Variants in BLTP3A observed in about 807,000 individuals in gnomAD.
BLTP3A encodes ICBP90 binding protein 1.
chr6:34,800,998 GGATTACAGGCGTGA>G, the BLTP3A span, among the ~76,000 whole-genome samples: 2 of 152,028 alleles, frequency 1.3e-5, no homozygotes, highest in African/African-American at 2.4e-5. Flanking sequence ...CAAAGTGTTG[GGATTACAGGCGTGA>G]GATTACAGCC....
At chr6:34,840,048 G>A in the BLTP3A span, among the ~76,000 whole-genome samples, 40 of 152,310 alleles carry the variant, frequency 2.6e-4, no homozygotes, top group African/African-American at 9.4e-4. Flanking sequence ...CTATGTTATG[G>A]CTACATGGCT....
chr6:34,871,760 G>A, the BLTP3A span: 1 of 1,611,348 alleles, frequency 6.2e-7, no homozygotes. Context: ...GTGACACCTA[G>A]GAACTGTTTG....
the BLTP3A span, among the ~76,000 whole-genome samples, chr6:34,805,759 A>AAAAAAT: frequency 6.8e-6 from 1 of 146,070 alleles, no homozygotes; most frequent in Non-Finnish European, 1.5e-5. Context: ...AAAAAAAAAA[A>AAAAAAT]AGTATAAAGT....
the BLTP3A span, among the ~76,000 whole-genome samples, chr6:34,869,878 A>T: frequency 5.3e-5 from 8 of 152,044 alleles, no homozygotes; most frequent in African/African-American, 1.7e-4. Flanking sequence ...TGAACTCCTG[A>T]ACTCAAGTGA....
chr6:34,858,437 G>T, the BLTP3A span: 1 of 1,614,054 alleles, frequency 6.2e-7, no homozygotes, highest in Non-Finnish European at 8.5e-7. Flanking sequence ...TGGGATCTCT[G>T]GTCTGTCCAC....
chr6:34,854,784 C>T, the BLTP3A span, among the ~76,000 whole-genome samples: 2 of 152,130 alleles, frequency 1.3e-5, no homozygotes, highest in Non-Finnish European at 2.9e-5. Context: ...TTTCCCTTCA[C>T]TCATTTCTGT....
At chr6:34,829,836 G>A in the BLTP3A span, among the ~76,000 whole-genome samples, 4 of 151,908 alleles carry the variant, frequency 2.6e-5, no homozygotes, top group East Asian at 1.9e-4. Context: ...CAAGAGTCTC[G>A]CTATGTCACC....
the BLTP3A span, among the ~76,000 whole-genome samples, chr6:34,811,687 C>G: frequency 9.0e-5 from 5 of 55,780 alleles, no homozygotes; most frequent in Admixed American, 1.8e-4. Context: ...CCCCCCCCCG[C>G]ATCTCTACTA....
At chr6:34,806,593 T>C in the BLTP3A span, among the ~76,000 whole-genome samples, 1 of 152,222 alleles carries the variant, frequency 6.6e-6, no homozygotes, top group Non-Finnish European at 1.5e-5. Flanking sequence ...AGTTTCTTCC[T>C]TGGGCAGTTT....
the BLTP3A span, among the ~76,000 whole-genome samples, chr6:34,810,720 C>T: frequency 6.6e-6 from 1 of 152,140 alleles, no homozygotes; most frequent in Non-Finnish European, 1.5e-5. Flanking sequence ...CCTCCTGCCT[C>T]GACCTCTCAA....
At chr6:34,809,568 T>C in the BLTP3A span, among the ~76,000 whole-genome samples, 1 of 152,082 alleles carries the variant, frequency 6.6e-6, no homozygotes, top group Non-Finnish European at 1.5e-5. Context: ...TTTGTTCGTT[T>C]GTTTGTTTGT....
chr6:34,809,553 G>GT, the BLTP3A span, among the ~76,000 whole-genome samples: 2 of 151,910 alleles, frequency 1.3e-5, no homozygotes, highest in South Asian at 2.1e-4. Context: ...AACGTTTTTT[G>GT]TTTTTTTGTT....
At chr6:34,802,658 G>GC in the BLTP3A span, among the ~76,000 whole-genome samples, 3 of 152,242 alleles carry the variant, frequency 2.0e-5, no homozygotes, top group African/African-American at 7.2e-5. Flanking sequence ...ACCCTGCCCA[G>GC]CCTGTCTGCA....
chr6:34,837,794 A>G, the BLTP3A span, among the ~76,000 whole-genome samples: 1 of 150,350 alleles, frequency 6.7e-6, no homozygotes, highest in East Asian at 1.9e-4. Context: ...ATAATTTGCC[A>G]CTCACTCATT....
At chr6:34,826,335 A>G in the BLTP3A span, among the ~76,000 whole-genome samples, 2 of 145,250 alleles carry the variant, frequency 1.4e-5, no homozygotes, top group Non-Finnish European at 3.0e-5. Context: ...ATGCTTTTAC[A>G]TGTTACATGT....
chr6:34,823,066 A>G, the BLTP3A span, among the ~76,000 whole-genome samples: 5 of 152,300 alleles, frequency 3.3e-5, no homozygotes, highest in South Asian at 8.3e-4. Context: ...GGAAGGGGGA[A>G]AATGAGGACT....
At chr6:34,855,855 G>A in the BLTP3A span, 10 of 1,457,322 alleles carry the variant, frequency 6.9e-6, no homozygotes, top group South Asian at 1.4e-5. Context: ...TCAAGAGGAC[G>A]TCTGGAAACT....
the BLTP3A span, chr6:34,834,330 AG>A: frequency 6.2e-7 from 1 of 1,613,996 alleles, no homozygotes; most frequent in Non-Finnish European, 8.5e-7. Flanking sequence ...TGGCAGCTCC[AG>A]GGCTATAGTG....
At chr6:34,801,611 G>A in the BLTP3A span, among the ~76,000 whole-genome samples, 1 of 152,152 alleles carries the variant, frequency 6.6e-6, no homozygotes, top group Admixed American at 6.5e-5. Flanking sequence ...TTTGAATGTC[G>A]TTAGATGTTT....
Sources: allele counts gnomAD v4.1 joint callset (sites outside exome capture counted in the v4.1 genomes callset), GRCh38; gene constraint gnomAD v4.1.1; transcripts MANE v1.5; gene names NCBI Gene and HGNC (gene_info 2026-07-23, HGNC 2026-07-21).